RIN2: variants seen among roughly 807,000 people sequenced by gnomAD.
The protein encoded by RIN2 is Ras and Rab interactor 2.
Under a neutral mutation model 78.0 loss-of-function variants are expected in RIN2, and 36 were observed. The observed-to-expected ratio is 0.46, with a 90% CI of 0.35 to 0.61. The LOEUF is 0.61. Ranked by LOEUF, RIN2 falls within the 20% of genes least tolerant of loss-of-function variation. The pLI, the probability that RIN2 is intolerant of heterozygous loss-of-function variation, is 0.00. For synonymous variants in RIN2, 466 were observed against 466.8 expected, an observed-to-expected ratio of 1.00 and a Z score of 0.02; for missense variants, 1,087 against 1,159.7, an observed-to-expected ratio of 0.94 and a Z score of 0.91.
intron 2 of RIN2, among the ~76,000 whole-genome samples, chr20:19,826,146 A>G (rs2036083307): frequency 6.6e-6 from 1 of 152,302 alleles, no homozygotes; most frequent in Admixed American, 6.5e-5. Flanking sequence ...TTTATTTAGT[A>G]TGCTGTTAAT....
At chr20:19,890,334 A>T (rs568642718) in intron 3 of RIN2, among the ~76,000 whole-genome samples, 20 of 152,080 alleles carry the variant, frequency 1.3e-4, no homozygotes, top group Non-Finnish European at 1.8e-4. Flanking sequence ...TCTGATTTAC[A>T]CTTGGGAATC....
At position 19,990,170 on chromosome 20, in the gene RIN2, G is replaced by T. The variant is rs199603; in HGVS notation, c.1927G>T (p.Ala643Ser). 2.5e-6 allele frequency: 4 copies of T among 1,604,584 alleles called. No individual in the cohort carries two copies. Among genetic ancestry groups the T allele is most frequent in the Non-Finnish European group, 3.4e-6 (4 of 1,175,850 alleles). The change falls in exon 10 of 13, where the codon GCC becomes TCC. Residue 643 changes from alanine to serine, a missense_variant. By Grantham distance (99) the Ala-to-Ser change is moderately conservative. This residue lies in a region of RIN2 where 97 missense variants were observed against 104.8 expected (regional missense o/e 0.93). Transcript: ENST00000255006. ...GAATCCGCAGGAGCTGGGGGTCTTC[G>T]CCCCGACCCCTGATTTTGTGGATGT... ...QRNPQELGVF[A>S]PTPDFVDVEK...
chr20:19,843,772 T>C (rs1441059123), intron 2 of RIN2, among the ~76,000 whole-genome samples: 1 of 152,208 alleles, frequency 6.6e-6, no homozygotes, highest in Non-Finnish European at 1.5e-5. Context: ...ACAAGCAATA[T>C]TGAAAAATAT....
chr20:19,983,638 TAA>T (rs2042532311), intron 9 of RIN2, among the ~76,000 whole-genome samples: 1 of 152,190 alleles, frequency 6.6e-6, no homozygotes, highest in African/African-American at 2.4e-5. Flanking sequence ...TAAAATAAGC[TAA>T]GAGGTCACAT....
At chr20:19,912,746 T>G (rs1183847608) in intron 3 of RIN2, among the ~76,000 whole-genome samples, 1 of 152,158 alleles carries the variant, frequency 6.6e-6, no homozygotes, top group African/African-American at 2.4e-5. Context: ...CCCAAAGTGC[T>G]GGGATTACAG....
At chr20:19,778,941 T>A (rs2034404044) in intron 1 of RIN2, among the ~76,000 whole-genome samples, 1 of 152,118 alleles carries the variant, frequency 6.6e-6, no homozygotes, top group Non-Finnish European at 1.5e-5. Context: ...CGTCGGAGCA[T>A]CTGGGTCCTG....
At chr20:19,937,805 GAC>G (rs2040706656) in intron 4 of RIN2, among the ~76,000 whole-genome samples, 2 of 152,212 alleles carry the variant, frequency 1.3e-5, no homozygotes, top group Non-Finnish European at 2.9e-5. Flanking sequence ...AGGCATAAAT[GAC>G]ACAATCTCTG....
Position 19,889,671 on chromosome 20 carries a change from C to A in RIN2, c.57+13C>A. The A allele has an allele frequency of 6.7e-7, 1 of 1,483,072 alleles. No individual in the cohort carries two copies. The highest frequency in any genetic ancestry group is 2.3e-5 in the Admixed American group (1 of 44,036). 91.9% of individuals were successfully genotyped at this position (1,483,072 alleles called of 1,614,324 possible). ...AAGTTTCTTTAAGGTAAAAGGAAGC[C>A]TTGATTGGGATCTCAACTCGTCGGC... On this transcript the variant is annotated intron_variant, in intron 3 of 12. Coordinates refer to ENST00000255006, the MANE Select transcript of RIN2 (RefSeq NM_018993.4).
rs151207403 is a variant in RIN2, at chr20:19,760,454, A to G, written c.-163+2127A>G. Among the ~76,000 whole-genome samples the G allele has an allele frequency of 3.0e-3, 464 of 152,284 alleles. 1 individual carries two copies. Among genetic ancestry groups the G allele is most frequent in the Non-Finnish European group, 5.4e-3 (364 of 68,010 alleles). ...AGGGAGCTTGACTCCCAGGATGGCT[A>G]TGGCGTGTGCTTATTTAAAGATAAC... is the stretch of plus-strand genomic sequence containing the variant. On this transcript the variant is annotated intron_variant, in intron 1 of 12. Coordinates refer to ENST00000255006, the MANE Select transcript of RIN2 (RefSeq NM_018993.4).
chr20:19,900,975 A>G (rs1164871845), intron 3 of RIN2, among the ~76,000 whole-genome samples: 2 of 143,400 alleles, frequency 1.4e-5, no homozygotes, highest in East Asian at 3.9e-4. Flanking sequence ...AAAAAAAAAG[A>G]AATGTACTTC....
chr20:19,903,506 A>G (rs1600744598), intron 3 of RIN2, among the ~76,000 whole-genome samples: 1 of 152,258 alleles, frequency 6.6e-6, no homozygotes. Context: ...CAGGGTCTCA[A>G]AGACACAGGT....
At chr20:19,860,923 G>C (rs2123277594) in intron 2 of RIN2, among the ~76,000 whole-genome samples, 1 of 152,294 alleles carries the variant, frequency 6.6e-6, no homozygotes, top group African/African-American at 2.4e-5. Flanking sequence ...ATAACCAACT[G>C]CAAGTTTTTG....
intron 1 of RIN2, among the ~76,000 whole-genome samples, chr20:19,786,377 C>T (rs1415432426): frequency 6.6e-6 from 1 of 152,138 alleles, no homozygotes; most frequent in East Asian, 1.9e-4. Flanking sequence ...CCCAAACTAG[C>T]CCCGGGCAAA....
At chr20:19,839,591 T>C (rs572460444) in intron 2 of RIN2, among the ~76,000 whole-genome samples, 1 of 152,348 alleles carries the variant, frequency 6.6e-6, no homozygotes, top group Admixed American at 6.5e-5. Flanking sequence ...ATTGCTTGGC[T>C]AGAGAAGATC....
intron 1 of RIN2, among the ~76,000 whole-genome samples, chr20:19,794,684 TAAATC>T (rs151120336): frequency 0.08 from 12,113 of 152,190 alleles, 473 homozygotes; most frequent in South Asian, 0.11. Flanking sequence ...TAAGAAAAAT[TAAATC>T]TAGTTGTATT....
chr20:19,975,138 G>A lies in RIN2; in HGVS notation c.1113G>A (p.Glu371=). The change falls in exon 9 of 13, where the codon GAG becomes GAA. Residue 371 remains glutamate (E), a synonymous_variant. Coordinates refer to ENST00000255006, the MANE Select transcript of RIN2 (RefSeq NM_018993.4). This position sits in a 1 kb window ranked among gnomAD's most constrained non-coding sequence, Gnocchi z 4.9. ...AGCAGGCTTCTTTTCTGGAAGCAGA[G>A]GGCGGTGCAAAGACCTTGAGCGGCG... The part of the protein sequence containing the change: ...LKKQASFLEA[E]GGAKTLSGGR... 1.2e-6 allele frequency: 2 copies of A among 1,613,190 alleles called. No homozygotes were observed. Among genetic ancestry groups the A allele is most frequent in the Non-Finnish European group, 1.7e-6 (2 of 1,179,878 alleles).
At chr20:19,848,282 C>T (rs1029760144) in intron 2 of RIN2, among the ~76,000 whole-genome samples, 1 of 152,034 alleles carries the variant, frequency 6.6e-6, no homozygotes, top group African/African-American at 2.4e-5. Context: ...TGCCTGTAAT[C>T]CCAGCACTTT....
chr20:19,852,618 G>T (rs2037019398), intron 2 of RIN2, among the ~76,000 whole-genome samples: 1 of 152,158 alleles, frequency 6.6e-6, no homozygotes, highest in African/African-American at 2.4e-5. Flanking sequence ...TAGTGGGCAG[G>T]CTGCTCCCTT....
At chr20:19,908,773 G>C (rs1439626258) in intron 3 of RIN2, among the ~76,000 whole-genome samples, 1 of 152,194 alleles carries the variant, frequency 6.6e-6, no homozygotes, top group East Asian at 1.9e-4. Flanking sequence ...GAGATTTGTG[G>C]TCACTTGTGG....
Sources: allele counts gnomAD v4.1 joint callset (sites outside exome capture counted in the v4.1 genomes callset), GRCh38; gene constraint gnomAD v4.1.1; regional missense constraint gnomAD v4.1.1; non-coding constraint Gnocchi (gnomAD v3.1); transcripts MANE v1.5; gene names NCBI Gene and HGNC (gene_info 2026-07-23, HGNC 2026-07-21).